Variants in DOCK11 observed in about 807,000 individuals in gnomAD.
The protein encoded by DOCK11 is dedicator of cytokinesis 11.
In DOCK11, 70 loss-of-function variants were observed where a neutral mutation model predicts 169.1. That is an observed-to-expected ratio of 0.41 (90% CI 0.34 to 0.51). DOCK11 has a LOEUF of 0.51. DOCK11 is among the 20% of genes least tolerant of loss of function. The pLI, the probability that DOCK11 is intolerant of heterozygous loss-of-function variation, is 0.10. For synonymous variants in DOCK11, 529 were observed against 541.3 expected (o/e 0.98, Z 0.32); for missense variants, 1,166 against 1,538.8 (o/e 0.76, Z 4.05).
At chrX:118,669,001 C>A (rs987461261) in intron 45 of DOCK11, among the ~76,000 whole-genome samples, 1 of 111,573 alleles carries the variant, frequency 9.0e-6, no homozygotes, top group Non-Finnish European at 1.9e-5. Flanking sequence ...CACATCATTG[C>A]AAGCTTTATG....
intron 16 of DOCK11, among the ~76,000 whole-genome samples, chrX:118,587,661 A>C (rs1653980034): frequency 1.8e-5 from 2 of 111,953 alleles, no homozygotes; most frequent in Non-Finnish European, 3.8e-5. Context: ...GTAAGATCAA[A>C]AGGCCTCCAT....
At chrX:118,531,660 T>C (rs749392053) in intron 1 of DOCK11, among the ~76,000 whole-genome samples, 2 of 108,109 alleles carry the variant, frequency 1.8e-5, no homozygotes, top group African/African-American at 6.7e-5. Flanking sequence ...CAAGTTCAAG[T>C]GATTCTCCTG....
At chrX:118,671,506 G>A (rs1408344323) in intron 46 of DOCK11, among the ~76,000 whole-genome samples, 1 of 111,411 alleles carries the variant, frequency 9.0e-6, no homozygotes, top group Middle Eastern at 4.2e-3. Flanking sequence ...CCATAAATAT[G>A]TACAGTTATT....
chrX:118,657,775 G>A (rs959128639), intron 44 of DOCK11, among the ~76,000 whole-genome samples: 5 of 111,223 alleles, frequency 4.5e-5, no homozygotes, highest in African/African-American at 1.6e-4. Context: ...TTATAAGTGG[G>A]AGCTAAGCTA....
intron 6 of DOCK11, among the ~76,000 whole-genome samples, chrX:118,550,874 A>AT (rs918684385): frequency 1.8e-5 from 2 of 111,685 alleles, no homozygotes; most frequent in Non-Finnish European, 3.8e-5. Flanking sequence ...GTTTCTATGT[A>AT]TTTTTTTTCT....
chrX:118,685,481 T>C (rs2016837428), intron 52 of DOCK11: 1 of 369,616 alleles, frequency 2.7e-6, no homozygotes, highest in Non-Finnish European at 4.4e-6. Context: ...AGTAACTAGA[T>C]CTTTTCTGCT....
At chrX:118,592,947 A>G (rs764217836) in intron 19 of DOCK11, among the ~76,000 whole-genome samples, 1 of 112,750 alleles carries the variant, frequency 8.9e-6, no homozygotes, top group Non-Finnish European at 1.9e-5. Flanking sequence ...AGTGTTTTAG[A>G]AAATTCTGCT....
intron 14 of DOCK11, among the ~76,000 whole-genome samples, chrX:118,584,167 G>A (rs2013742654): frequency 8.9e-6 from 1 of 112,169 alleles, no homozygotes; most frequent in South Asian, 3.6e-4. Context: ...TATGGAACAT[G>A]TCTATTACCC....
intron 31 of DOCK11, among the ~76,000 whole-genome samples, chrX:118,620,569 C>CA (rs2014947064): frequency 8.9e-6 from 1 of 112,281 alleles, no homozygotes; most frequent in Admixed American, 9.5e-5. Flanking sequence ...TTGTTTTTGA[C>CA]ACATTATAAC....
At chrX:118,618,833 G>A in intron 31 of DOCK11, 105 bp downstream of exon 31, 1 of 650,318 alleles carries the variant, frequency 1.5e-6, no homozygotes, top group Non-Finnish European at 2.2e-6. Context: ...TAAGCATTGA[G>A]GAAAATTTAT....
intron 16 of DOCK11, among the ~76,000 whole-genome samples, chrX:118,587,855 CA>C (rs1273463967): frequency 1.8e-5 from 2 of 111,547 alleles, no homozygotes; most frequent in African/African-American, 6.5e-5. Flanking sequence ...TTAAATTTGT[CA>C]AAATTATGAT....
chrX:118,587,082 TATTGGAGGAAA>T (rs767984310), intron 16 of DOCK11, among the ~76,000 whole-genome samples: 1 of 112,083 alleles, frequency 8.9e-6, no homozygotes, highest in East Asian at 2.8e-4. Context: ...GTGTTATTTA[TATTGGAGGAAA>T]ATTGGAAACA....
chrX:118,530,352 A>T (rs1472793718), intron 1 of DOCK11, among the ~76,000 whole-genome samples: 1 of 113,160 alleles, frequency 8.8e-6, no homozygotes, highest in Non-Finnish European at 1.9e-5. Flanking sequence ...ATTAATTTCC[A>T]TTAACGTTGA....
intron 39 of DOCK11, among the ~76,000 whole-genome samples, chrX:118,642,277 C>G (rs1373330730): frequency 1.8e-5 from 2 of 111,724 alleles, no homozygotes; most frequent in Non-Finnish European, 3.8e-5. Context: ...AGGCACTGTC[C>G]TAAGTGCTTT....
chrX:118,683,026 G>A (rs2147603307), intron 51 of DOCK11, 53 bp from the exon 52 acceptor site: 1 of 1,132,831 alleles, frequency 8.8e-7, no homozygotes, highest in Non-Finnish European at 1.2e-6. Flanking sequence ...GATTGTCAGT[G>A]ATACTTCCTA....
At chrX:118,573,211 T>TA (rs2013333801) in intron 11 of DOCK11, among the ~76,000 whole-genome samples, 1 of 112,832 alleles carries the variant, frequency 8.9e-6, no homozygotes, top group African/African-American at 3.2e-5. Flanking sequence ...CAAAATAGCT[T>TA]AAAAGTACAA....
At chrX:118,619,924 TCTC>T (rs965274395) in intron 31 of DOCK11, among the ~76,000 whole-genome samples, 3 of 109,383 alleles carry the variant, frequency 2.7e-5, no homozygotes, top group Admixed American at 9.8e-5. Flanking sequence ...TTCAAGCAAT[TCTC>T]CTGCCTCAGC....
Position 118,588,490 on chromosome X carries a change from A to G in DOCK11, c.2046+12A>G. The G allele has an allele frequency of 8.6e-7, 1 of 1,156,810 alleles. No homozygotes were observed. ...CTAGTGCCCTAAAGGTTTGTTTATG[A>G]TATTGATAGGCATATGTTTTTAGTA... On this transcript the variant is annotated intron_variant, in intron 18 of 52. Coordinates refer to ENST00000276202, the MANE Select transcript of DOCK11 (RefSeq NM_144658.4).
At chrX:118,597,385 T>A (rs763423592) in intron 20 of DOCK11, 46 bp from the exon 21 acceptor site, 1 of 1,205,071 alleles carries the variant, frequency 8.3e-7, no homozygotes, top group South Asian at 1.8e-5. Context: ...GTGTAGCTGA[T>A]TGCATTTGAT....
Sources: gnomAD v4.1 joint callset for allele counts (sites outside exome capture counted in the v4.1 genomes callset) on GRCh38, gnomAD v4.1.1 for gene constraint, MANE v1.5 for transcripts, NCBI Gene and HGNC (gene_info 2026-07-23, HGNC 2026-07-21) for gene names.